The following PIGL variants were observed in gnomAD, a reference collection of about 807,000 sequenced individuals.
PIGL encodes phosphatidylinositol glycan anchor biosynthesis class L.
PIGL carries 22 observed loss-of-function variants against 31.1 expected under a neutral mutation model. The ratio of observed to expected loss-of-function variants is 0.71; its 90% CI spans 0.51 to 1.01. The LOEUF (loss-of-function observed/expected upper bound fraction) is 1.01. Among genes scored for constraint, PIGL ranks in the 50% least tolerant of loss-of-function variants. The pLI is 0.00. For missense variants in PIGL, 302 were observed against 315.9 expected, an observed-to-expected ratio of 0.96 and a Z score of 0.33; for synonymous variants, 131 against 117.4, an observed-to-expected ratio of 1.12 and a Z score of -0.75.
intron 2 of PIGL, among the ~76,000 whole-genome samples, chr17:16,266,859 A>C (rs1206695953): frequency 7.1e-6 from 1 of 140,662 alleles, no homozygotes; most frequent in East Asian, 2.5e-4. Context: ...AGCCTCCCAA[A>C]GTGCTGGGAT....
chr17:16,304,948 C>A (rs2093020440), intron 3 of PIGL, among the ~76,000 whole-genome samples: 1 of 152,046 alleles, frequency 6.6e-6, no homozygotes, highest in South Asian at 2.1e-4. Context: ...CTGGCCACTA[C>A]CCACTAGATG....
At chr17:16,312,168 C>T (rs1381014925) in intron 3 of PIGL, among the ~76,000 whole-genome samples, 18 of 151,140 alleles carry the variant, frequency 1.2e-4, no homozygotes, top group African/African-American at 2.7e-4. Context: ...CCGGACGGGG[C>T]GGCTGCTGGG....
intron 2 of PIGL, among the ~76,000 whole-genome samples, chr17:16,288,297 C>T (rs1053799893): frequency 6.6e-6 from 1 of 152,184 alleles, no homozygotes; most frequent in Non-Finnish European, 1.5e-5. Context: ...GCCCCCACCT[C>T]CCAGGTTGAG....
intron 6 of PIGL, among the ~76,000 whole-genome samples, chr17:16,319,223 C>A (rs1205779829): frequency 2.4e-3 from 197 of 82,970 alleles, no homozygotes; most frequent in Middle Eastern, 0.011. Flanking sequence ...AGACCCTAGC[C>A]AAAAAAAAAA....
intron 2 of PIGL, among the ~76,000 whole-genome samples, chr17:16,255,084 A>C (rs930071969): frequency 2.0e-5 from 3 of 152,236 alleles, no homozygotes; most frequent in Non-Finnish European, 4.4e-5. Context: ...AAGCTATCCA[A>C]CCCACTTTCC....
Position 16,316,977 on chromosome 17 carries a change from T to C in PIGL, c.526+265T>C, listed in dbSNP as rs893333806. 12 of 1,259,650 alleles carry C rather than the reference T, an allele frequency of 9.5e-6. No individual in the cohort carries two copies. The African/African-American group carries it at 1.8e-4, about 19-fold the overall frequency. 78.0% of individuals were successfully genotyped at this position (1,259,650 alleles called of 1,614,324 possible). On this transcript the variant is annotated intron_variant, in intron 5 of 6. Transcript: ENST00000225609. ...TCTAGCTTTTTCACAGGGTGGATGT[T>C]TTACACCTCTGGTATTCTTCCAGTC...
chr17:16,320,809 A>G (rs1039808284), intron 6 of PIGL, among the ~76,000 whole-genome samples: 1 of 150,760 alleles, frequency 6.6e-6, no homozygotes, highest in Non-Finnish European at 1.5e-5. Context: ...TAATTTTTGT[A>G]TTTTTAATAG....
chr17:16,245,504 G>GTATATA (rs34133338), intron 2 of PIGL, among the ~76,000 whole-genome samples: 12 of 147,402 alleles, frequency 8.1e-5, no homozygotes, highest in African/African-American at 2.8e-4. Flanking sequence ...AAGCCAGGGA[G>GTATATA]TATATATATA....
At chr17:16,303,961 G>T (rs1261485555) in intron 3 of PIGL, among the ~76,000 whole-genome samples, 1 of 152,016 alleles carries the variant, frequency 6.6e-6, no homozygotes, top group Non-Finnish European at 1.5e-5. Context: ...TGATCCGCCC[G>T]CCTCGGCCTC....
intron 2 of PIGL, among the ~76,000 whole-genome samples, chr17:16,285,456 G>T (rs1287783918): frequency 2.0e-5 from 3 of 152,062 alleles, no homozygotes; most frequent in Non-Finnish European, 2.9e-5. Flanking sequence ...GCGGTGGCAG[G>T]TGCCTGTAAT....
chr17:16,254,704 A>G (rs2092786770), intron 2 of PIGL, among the ~76,000 whole-genome samples: 1 of 152,028 alleles, frequency 6.6e-6, no homozygotes, highest in Non-Finnish European at 1.5e-5. Flanking sequence ...TCCCAGGTTC[A>G]CGCCATTCTC....
At chr17:16,313,115 C>T (rs191926784) in intron 3 of PIGL, among the ~76,000 whole-genome samples, 2 of 152,248 alleles carry the variant, frequency 1.3e-5, no homozygotes, top group African/African-American at 4.8e-5. Flanking sequence ...CCCCAGGACA[C>T]GGTGGACATT....
At chr17:16,225,287 G>A (rs1227341342) in intron 1 of PIGL, among the ~76,000 whole-genome samples, 2 of 151,414 alleles carry the variant, frequency 1.3e-5, no homozygotes, top group African/African-American at 2.4e-5. Flanking sequence ...AGTTTCTGCA[G>A]TCTGTATATC....
At chr17:16,231,157 C>T (rs1431990414) in intron 1 of PIGL, among the ~76,000 whole-genome samples, 3 of 147,292 alleles carry the variant, frequency 2.0e-5, no homozygotes, top group South Asian at 2.1e-4. Flanking sequence ...AGTGTGCCCG[C>T]CTTCCAAAGT....
intron 1 of PIGL, among the ~76,000 whole-genome samples, chr17:16,223,971 C>G (rs893832693): frequency 6.6e-6 from 1 of 152,202 alleles, no homozygotes; most frequent in Non-Finnish European, 1.5e-5. Flanking sequence ...AATCCCAGCA[C>G]TTTGGGAGAC....
At chr17:16,267,342 A>T (rs771430001) in intron 2 of PIGL, among the ~76,000 whole-genome samples, 7 of 152,090 alleles carry the variant, frequency 4.6e-5, no homozygotes, top group Admixed American at 1.3e-4. Context: ...GGGGTGGCAG[A>T]GGCGGAAGAG....
chr17:16,242,559 C>T (rs1459323374), intron 2 of PIGL, among the ~76,000 whole-genome samples: 1 of 151,288 alleles, frequency 6.6e-6, no homozygotes, highest in Non-Finnish European at 1.5e-5. Flanking sequence ...TAACTTGATT[C>T]CCTAAAGTTT....
chr17:16,298,039 C>A (rs1464151279), intron 2 of PIGL, among the ~76,000 whole-genome samples: 1 of 152,198 alleles, frequency 6.6e-6, no homozygotes, highest in East Asian at 1.9e-4. Flanking sequence ...CTAGGTTGCA[C>A]GCCCCTATGA....
intron 2 of PIGL, among the ~76,000 whole-genome samples, chr17:16,245,731 C>CACACACACATATATAT (rs1243781026): frequency 6.6e-6 from 1 of 150,656 alleles, no homozygotes; most frequent in Non-Finnish European, 1.5e-5. Flanking sequence ...TATATATATA[C>CACACACACATATATAT]ACACACACAT....
Sources: gnomAD v4.1 joint callset for allele counts (sites outside exome capture counted in the v4.1 genomes callset) on GRCh38, gnomAD v4.1.1 for gene constraint, MANE v1.5 for transcripts, NCBI Gene and HGNC (gene_info 2026-07-23, HGNC 2026-07-21) for gene names.